Variants in CHST13 observed in about 807,000 individuals in gnomAD.
CHST13 encodes the protein C4ST-3.
In CHST13, 1 loss-of-function variant was observed where a neutral mutation model predicts 7.0. The observed-to-expected ratio is 0.14, with a 90% CI of 0.05 to 0.68. The LOEUF (loss-of-function observed/expected upper bound fraction) is 0.68. Ranked by LOEUF, CHST13 falls within the 30% of genes least tolerant of loss-of-function variation. The probability of loss-of-function intolerance (pLI) is 0.82; values close to 1 mark genes in which losing one functional copy is unlikely to be tolerated. For missense variants in CHST13, 572 were observed against 507.9 expected (o/e 1.13, Z -1.21); for synonymous variants, 257 against 240.9 (o/e 1.07, Z -0.62).
intron 2 of CHST13, among the ~76,000 whole-genome samples, chr3:126,539,442 C>G (rs35656703): frequency 6.6e-6 from 1 of 151,654 alleles, no homozygotes; most frequent in African/African-American, 2.4e-5. Context: ...TACATGGACA[C>G]ACACACAACC....
chr3:126,527,043 A>G (rs1311887727), intron 1 of CHST13: 1 of 152,196 alleles, frequency 6.6e-6, no homozygotes, highest in African/African-American at 2.4e-5. Flanking sequence ...TCTCAGCTCT[A>G]TGTCTTCTGC....
chr3:126,534,993 GAGAC>G (rs1402914979), intron 1 of CHST13, among the ~76,000 whole-genome samples: 3 of 139,988 alleles, frequency 2.1e-5, no homozygotes, highest in Admixed American at 7.2e-5. Context: ...CCCCAGCCGG[GAGAC>G]AGACAGACAG....
rs114318807 is a variant in CHST13, at chr3:126,526,349, G to A, written c.97+1920G>A. Reference sequence around the variant, plus strand: ...CCTTGGCCTCTGGAAATGGCCTCACGAGGGCCTGCAGTGTCTCTGCAGCCA... The same window carrying A: ...CCTTGGCCTCTGGAAATGGCCTCACAAGGGCCTGCAGTGTCTCTGCAGCCA... On this transcript the variant is annotated intron_variant, in intron 1 of 2. Transcript: ENST00000319340. Among the ~76,000 whole-genome samples, 1,080 of 152,348 alleles carry A rather than the reference G, an allele frequency of 7.1e-3. 8 individuals are homozygous for A. Among genetic ancestry groups the A allele is most frequent in the African/African-American group, 0.019 (793 of 41,574 alleles).
intron 1 of CHST13, chr3:126,529,474 G>A: frequency 1.8e-6 from 2 of 1,084,494 alleles, no homozygotes; most frequent in Non-Finnish European, 2.4e-6. Flanking sequence ...GGTGGCCTGG[G>A]GTCAAATTCT....
chr3:126,543,149 C>T lies in CHST13; in HGVS notation c.*571C>T, dbSNP rs913803825. ...GCGGCTGGCCCTACCCAGGCGCCAC[C>T]TTCGGTCTCAGTCTGGCAAGACGCT... On this transcript the variant is annotated 3_prime_UTR_variant, in exon 3 of 3. Coordinates refer to ENST00000319340, the MANE Select transcript of CHST13 (RefSeq NM_152889.3). 1.3e-5 allele frequency: 2 copies of T among 152,260 alleles called. No homozygotes were observed. The highest frequency in any genetic ancestry group is 1.3e-4 in the Admixed American group (2 of 15,286). The allele number at this position is 152,260 out of a possible 1,614,324, so 9.4% of individuals were successfully genotyped here.
intron 2 of CHST13, among the ~76,000 whole-genome samples, chr3:126,536,802 C>G (rs1370087173): frequency 6.6e-6 from 1 of 151,726 alleles, no homozygotes; most frequent in Non-Finnish European, 1.5e-5. Flanking sequence ...CTGCAGGGAC[C>G]ACACACAACC....
chr3:126,540,516 T>A (rs1936936355), intron 2 of CHST13, among the ~76,000 whole-genome samples: 1 of 152,212 alleles, frequency 6.6e-6, no homozygotes, highest in African/African-American at 2.4e-5. Flanking sequence ...TACTATTCGC[T>A]TGGCATAACG....
intron 2 of CHST13, among the ~76,000 whole-genome samples, chr3:126,537,553 G>A (rs779098258): frequency 6.6e-6 from 1 of 152,166 alleles, no homozygotes; most frequent in Non-Finnish European, 1.5e-5. Context: ...CAAGCAGGTA[G>A]GGAGGCCTTC....
chr3:126,533,043 T>C (rs1238127695), intron 1 of CHST13, among the ~76,000 whole-genome samples: 1 of 152,248 alleles, frequency 6.6e-6, no homozygotes, highest in Non-Finnish European at 1.5e-5. Flanking sequence ...TATTCATTGC[T>C]AGTATATAGA....
chr3:126,529,770 C>G (rs1474225647), intron 1 of CHST13, among the ~76,000 whole-genome samples: 1 of 152,184 alleles, frequency 6.6e-6, no homozygotes, highest in Admixed American at 6.5e-5. Context: ...CTCCCATCAT[C>G]CTGTCCCCCT....
In CHST13 at chr3:126,541,929, C is replaced by T. The variant is rs143024190; in HGVS notation, c.377C>T (p.Ala126Val). 1.5e-3 allele frequency: 2,362 copies of T among 1,594,264 alleles called. 25 individuals are homozygous for T. The African/African-American group carries it at 0.029, about 19-fold the overall frequency. The change falls in exon 3 of 3, where the codon GCG becomes GTG. Residue 126 changes from alanine (A) to valine (V), a missense_variant. Physicochemically the swap from Ala to Val is moderately conservative, Grantham distance 64. Transcript: ENST00000319340. The stretch of plus-strand genomic sequence containing the variant: ...ACCAACTGGAAGCGCGTGCTGCTGG[C>T]GCTGAGCGGCCAAGCCCGCGGCGAC... ...ACTNWKRVLL[A>V]LSGQARGDPR...
rs199904615 is a variant in CHST13 at position 126,536,251 on chromosome 3, C to G, written c.98-20C>G. 5 of 1,611,082 alleles carry G rather than the reference C, an allele frequency of 3.1e-6. No individual in the cohort carries two copies. Among genetic ancestry groups the G allele is most frequent in the East Asian group, 2.2e-5 (1 of 44,860 alleles). On this transcript the variant is annotated intron_variant, in intron 1 of 2. Coordinates refer to ENST00000319340, the MANE Select transcript of CHST13 (RefSeq NM_152889.3). ...AGTCCCTCTGATATGGTGGCGACAT[C>G]TCTCTCCTTATGCCCACAGCATTTG...
chr3:126,531,625 C>T lies in CHST13; in HGVS notation c.98-4646C>T, dbSNP rs186808950. ...ATAACGTTTACAAGGTTCAGCCACA[C>T]GGAAGCATGAGCCAATTCTTCATTC... On this transcript the variant is annotated intron_variant, in intron 1 of 2. Transcript: ENST00000319340. Among the ~76,000 whole-genome samples, 139 of 152,300 alleles carry T rather than the reference C, an allele frequency of 9.1e-4. No individual in the cohort carries two copies. The Middle Eastern group carries it at 0.041, about 45-fold the overall frequency.
At chr3:126,538,081 C>A (rs1163074452) in intron 2 of CHST13, among the ~76,000 whole-genome samples, 1 of 152,240 alleles carries the variant, frequency 6.6e-6, no homozygotes, top group African/African-American at 2.4e-5. Flanking sequence ...TCAGGCAACT[C>A]ATTTCCCCTG....
intron 1 of CHST13, among the ~76,000 whole-genome samples, chr3:126,534,477 ACAG>A (rs1048031024): frequency 6.6e-6 from 1 of 151,298 alleles, no homozygotes; most frequent in Non-Finnish European, 1.5e-5. Context: ...AGACAGACAG[ACAG>A]CATCCTTGTC....
chr3:126,540,304 C>T (rs1055102895), intron 2 of CHST13, among the ~76,000 whole-genome samples: 3 of 152,152 alleles, frequency 2.0e-5, no homozygotes, highest in Admixed American at 6.5e-5. Flanking sequence ...TAACTATCAC[C>T]GCTGTCTAAT....
chr3:126,529,741 T>TC (rs1936611086), intron 1 of CHST13, among the ~76,000 whole-genome samples: 1 of 152,148 alleles, frequency 6.6e-6, no homozygotes, highest in Admixed American at 6.5e-5. Flanking sequence ...TTTTTGGCAC[T>TC]CCTCCCATCC....
intron 1 of CHST13, among the ~76,000 whole-genome samples, chr3:126,530,217 G>C (rs953662811): frequency 6.6e-6 from 1 of 152,246 alleles, no homozygotes; most frequent in Non-Finnish European, 1.5e-5. Context: ...GGATGGAGGC[G>C]GCCCAGCCCT....
At chr3:126,530,504 GT>G (rs1936635034) in intron 1 of CHST13, among the ~76,000 whole-genome samples, 1 of 152,188 alleles carries the variant, frequency 6.6e-6, no homozygotes, top group African/African-American at 2.4e-5. Context: ...CTGAGCACCA[GT>G]TCTTCCTCAG....
Sources: gnomAD v4.1 joint callset for allele counts (sites outside exome capture counted in the v4.1 genomes callset) on GRCh38, gnomAD v4.1.1 for gene constraint, MANE v1.5 for transcripts, NCBI Gene and HGNC (gene_info 2026-07-23, HGNC 2026-07-21) for gene names.